RSF1: variants seen among roughly 807,000 people sequenced by gnomAD.
RSF1 encodes the protein remodeling and spacing factor 1, also known as HBV pX-associated protein 8.
In RSF1, 13 loss-of-function variants were observed where a neutral mutation model predicts 145.2. That is an observed-to-expected ratio of 0.09 (90% CI 0.06 to 0.14). The LOEUF (loss-of-function observed/expected upper bound fraction) is 0.14, where lower values mean the gene tolerates loss of function less well. RSF1 is among the 10% of genes least tolerant of loss of function. RSF1 has a pLI of 1.00. For synonymous variants in RSF1, 577 were observed against 592.6 expected, an observed-to-expected ratio of 0.97 and a Z score of 0.38; for missense variants, 1,517 against 1,718.2, an observed-to-expected ratio of 0.88 and a Z score of 2.07.
intron 14 of RSF1, among the ~76,000 whole-genome samples, 173 bp downstream of exon 14, chr11:77,674,863 G>C (rs1482283353): frequency 1.3e-5 from 2 of 152,164 alleles, no homozygotes; most frequent in Non-Finnish European, 2.9e-5. Flanking sequence ...GCCAGGCATG[G>C]TGGCACATGC....
intron 1 of RSF1, among the ~76,000 whole-genome samples, chr11:77,800,750 T>C (rs915331168): frequency 6.6e-6 from 1 of 152,108 alleles, no homozygotes. Context: ...TACTCCCAGC[T>C]ACACAACAGG....
intron 4 of RSF1, among the ~76,000 whole-genome samples, chr11:77,737,421 C>CT (rs1446819171): frequency 6.6e-6 from 1 of 151,406 alleles, no homozygotes; most frequent in Admixed American, 6.6e-5. Flanking sequence ...GCACTCCACA[C>CT]TGCAGCCTGG....
In RSF1 at chr11:77,747,056, A is replaced by C. The variant is rs1565168408; in HGVS notation, c.352T>G (p.Cys118Gly). Reference sequence around the variant, plus strand: ...ATTACCTTTAAGAGTGCTAGTTTGCATTCAACACTCATTTCAAGATAGCCC... The same window carrying C: ...ATTACCTTTAAGAGTGCTAGTTTGCCTTCAACACTCATTTCAAGATAGCCC... ...KKGYLEMSVE[C>G]KLALLKYLCE... The change falls in exon 3 of 16, where the codon TGC becomes GGC. Residue 118 changes from cysteine (C) to glycine (G), a missense_variant. Cys to Gly is a radical substitution (Grantham distance 159). Transcript: ENST00000308488. 2 of 1,605,400 alleles carry C rather than the reference A, an allele frequency of 1.2e-6. No homozygotes were observed. Among genetic ancestry groups the C allele is most frequent in the South Asian group, 2.2e-5 (2 of 90,860 alleles).
chr11:77,751,782 C>G (rs1311621612), intron 2 of RSF1, among the ~76,000 whole-genome samples: 3 of 152,224 alleles, frequency 2.0e-5, no homozygotes, highest in Admixed American at 6.5e-5. Flanking sequence ...CACCCAGTCA[C>G]CTCTGCACAA....
rs534292891 is a variant in RSF1, at chr11:77,758,003, T to C, written c.279+6595A>G. 5.3e-5 allele frequency among the ~76,000 whole-genome samples: 8 copies of C among 152,008 alleles called. No individual in the cohort carries two copies. The East Asian group carries it at 1.6e-3, about 30-fold the overall frequency. ...AAAAAATTAGCCAGGTGTGGTAGCG[T>C]GAGTCTGTAGTTCCGGCTACTGGGG... On this transcript the variant is annotated intron_variant, in intron 2 of 15. Coordinates refer to ENST00000308488, the MANE Select transcript of RSF1 (RefSeq NM_016578.4).
chr11:77,732,774 G>GT (rs1457114512), intron 4 of RSF1, among the ~76,000 whole-genome samples: 2 of 152,210 alleles, frequency 1.3e-5, no homozygotes, highest in Admixed American at 6.5e-5. Flanking sequence ...ACATGGAACT[G>GT]TAAGTCCAAT....
chr11:77,832,953 G>A, the RSF1 span, among the ~76,000 whole-genome samples: 270 of 5,026 alleles, frequency 0.054, 1 homozygote, highest in African/African-American at 0.17. Flanking sequence ...ATATATATAT[G>A]TGTGTGTGTG....
chr11:77,813,772 C>A, intron 1 of RSF1: 1 of 273,360 alleles, frequency 3.7e-6, no homozygotes, highest in Non-Finnish European at 7.3e-6. Flanking sequence ...GCCGCAGCAC[C>A]TACCACCGCG....
intron 15 of RSF1, among the ~76,000 whole-genome samples, chr11:77,670,408 T>C (rs1959489497): frequency 6.6e-6 from 1 of 152,204 alleles, no homozygotes; most frequent in African/African-American, 2.4e-5. Flanking sequence ...TTAGTGAGGA[T>C]TTCCTTAGTA....
the RSF1 span, among the ~76,000 whole-genome samples, chr11:77,860,607 C>T: frequency 6.6e-6 from 1 of 152,138 alleles, no homozygotes; most frequent in Non-Finnish European, 1.5e-5. Flanking sequence ...CAAGAGTGTC[C>T]AGGTGTGAGA....
intron 1 of RSF1, among the ~76,000 whole-genome samples, chr11:77,769,342 G>A (rs1948259079): frequency 6.6e-6 from 1 of 152,154 alleles, no homozygotes; most frequent in South Asian, 2.1e-4. Flanking sequence ...TCACCTGCAA[G>A]ATTTCTAAAA....
At chr11:77,710,397 T>C (rs1247133885) in intron 5 of RSF1, among the ~76,000 whole-genome samples, 1 of 151,814 alleles carries the variant, frequency 6.6e-6, no homozygotes, top group Non-Finnish European at 1.5e-5. Flanking sequence ...ATTTTGTTGA[T>C]AGTTTAGTTT....
At chr11:77,760,944 G>A (rs1029843559) in intron 2 of RSF1, among the ~76,000 whole-genome samples, 2 of 151,060 alleles carry the variant, frequency 1.3e-5, no homozygotes, top group African/African-American at 4.9e-5. Context: ...ACGGAGTCTC[G>A]CTCTGTCACC....
At chr11:77,860,020 A>T in the RSF1 span, among the ~76,000 whole-genome samples, 3 of 152,214 alleles carry the variant, frequency 2.0e-5, no homozygotes, top group Admixed American at 6.5e-5. Context: ...ACCCATAAAC[A>T]ATGAGGCCAA....
the RSF1 span, among the ~76,000 whole-genome samples, chr11:77,868,301 C>T: frequency 3.3e-5 from 5 of 151,376 alleles, no homozygotes; most frequent in African/African-American, 9.7e-5. Flanking sequence ...GTGATCCACC[C>T]GCCTCAGCCT....
At chr11:77,866,033 A>T in the RSF1 span, among the ~76,000 whole-genome samples, 1 of 152,130 alleles carries the variant, frequency 6.6e-6, no homozygotes, top group Non-Finnish European at 1.5e-5. Context: ...TTTAAACTTC[A>T]CTCACAGAAT....
chr11:77,745,805 A>T (rs1947993635), intron 3 of RSF1, among the ~76,000 whole-genome samples: 1 of 151,678 alleles, frequency 6.6e-6, no homozygotes, highest in African/African-American at 2.4e-5. Context: ...GGCAGACAAC[A>T]CATTAAGTTA....
the RSF1 span, chr11:77,872,154 A>G: frequency 3.7e-6 from 6 of 1,607,276 alleles, no homozygotes; most frequent in Non-Finnish European, 5.1e-6. Flanking sequence ...CTACTTACTC[A>G]TCTCTTTTCC....
At chr11:77,751,549 A>T (rs1027236851) in intron 2 of RSF1, among the ~76,000 whole-genome samples, 1 of 152,218 alleles carries the variant, frequency 6.6e-6, no homozygotes, top group African/African-American at 2.4e-5. Flanking sequence ...CCTGAAGGCC[A>T]TTCCTTTGAA....
Sources: gnomAD v4.1 joint callset for allele counts (sites outside exome capture counted in the v4.1 genomes callset) on GRCh38, gnomAD v4.1.1 for gene constraint, MANE v1.5 for transcripts, NCBI Gene and HGNC (gene_info 2026-07-23, HGNC 2026-07-21) for gene names.